The following ADGRL3 variants were observed in gnomAD, a reference collection of about 807,000 sequenced individuals.
ADGRL3 encodes the protein adhesion G protein-coupled receptor L3, also known as calcium-independent alpha-latrotoxin receptor 3.
In ADGRL3, 62 loss-of-function variants were observed where a neutral mutation model predicts 153.5. The ratio of observed to expected loss-of-function variants is 0.40; its 90% CI spans 0.33 to 0.50. The LOEUF is 0.50. ADGRL3 is among the 20% of genes least tolerant of loss of function. ADGRL3 has a pLI of 0.47. For missense variants in ADGRL3, 1,641 were observed against 1,859.4 expected (o/e 0.88, Z 2.16); for synonymous variants, 710 against 672.5 (o/e 1.06, Z -0.86).
intron 2 of ADGRL3, among the ~76,000 whole-genome samples, chr4:61,494,907 G>T (rs1369062090): frequency 1.3e-5 from 2 of 152,094 alleles, no homozygotes; most frequent in African/African-American, 2.4e-5. Context: ...CACATTGAAA[G>T]GATGAGTAGG....
intron 8 of ADGRL3, among the ~76,000 whole-genome samples, chr4:61,767,552 G>C (rs1266154996): frequency 6.6e-6 from 1 of 152,182 alleles, no homozygotes; most frequent in Non-Finnish European, 1.5e-5. Context: ...CAATCGGGCA[G>C]TGTCAGTCTT....
Position 61,565,940 on chromosome 4 carries a change from A to G in ADGRL3, c.260-21287A>G, listed in dbSNP as rs1477870011. On this transcript the variant is annotated intron_variant, in intron 4 of 26. Transcript: ENST00000683033. ...TCATAGATTACTAAACTGGAAATCT[A>G]TGAAATATACCAAGTTTTTCTTGGA... Among the ~76,000 whole-genome samples the G allele has an allele frequency of 3.9e-5, 6 of 152,230 alleles. No homozygotes were observed. In the East Asian group the frequency reaches 9.6e-4, roughly 24 times the overall value.
chr4:61,858,456 A>T (rs1241588274), intron 9 of ADGRL3, among the ~76,000 whole-genome samples: 1 of 152,098 alleles, frequency 6.6e-6, no homozygotes, highest in Non-Finnish European at 1.5e-5. Context: ...CCCCACCTCT[A>T]CTAAAAATAC....
intron 8 of ADGRL3, among the ~76,000 whole-genome samples, chr4:61,783,189 A>G (rs574143753): frequency 3.9e-5 from 6 of 152,226 alleles, no homozygotes; most frequent in African/African-American, 1.4e-4. Context: ...GCATTTCTTG[A>G]TATCAGTGGC....
chr4:61,318,413 T>G (rs2095281576), intron 1 of ADGRL3, among the ~76,000 whole-genome samples: 1 of 152,062 alleles, frequency 6.6e-6, no homozygotes. Flanking sequence ...TTCAGTACCC[T>G]CATCACAAAA....
chr4:61,862,406 C>T (rs34855831), intron 9 of ADGRL3, among the ~76,000 whole-genome samples: 76,208 of 151,968 alleles, frequency 0.5, 19,527 homozygotes, highest in African/African-American at 0.57. Context: ...ATGTTTCAGC[C>T]GGCATGGCCC....
At chr4:61,888,086 G>T (rs1215479703) in intron 9 of ADGRL3, among the ~76,000 whole-genome samples, 1 of 152,100 alleles carries the variant, frequency 6.6e-6, no homozygotes, top group Non-Finnish European at 1.5e-5. Context: ...TTTTCTTTGG[G>T]AAGCAAGATT....
chr4:61,526,035 G>C (rs576978631), intron 4 of ADGRL3, among the ~76,000 whole-genome samples: 1 of 152,088 alleles, frequency 6.6e-6, no homozygotes, highest in Non-Finnish European at 1.5e-5. Context: ...TGCTGGGGAC[G>C]CACTTACCTT....
intron 21 of ADGRL3, among the ~76,000 whole-genome samples, chr4:62,008,488 C>T (rs2099169499): frequency 6.6e-6 from 1 of 151,982 alleles, no homozygotes; most frequent in Non-Finnish European, 1.5e-5. Flanking sequence ...ACCTATTGAC[C>T]AGTAGATGTT....
intron 2 of ADGRL3, among the ~76,000 whole-genome samples, chr4:61,384,964 A>G (rs2096719439): frequency 6.6e-6 from 1 of 152,150 alleles, no homozygotes; most frequent in African/African-American, 2.4e-5. Context: ...GGAAATAAAA[A>G]TATTCTGAAA....
At chr4:61,201,937 G>C (rs1192397520) in intron 1 of ADGRL3, among the ~76,000 whole-genome samples, 172 bp downstream of exon 1, 5 of 152,154 alleles carry the variant, frequency 3.3e-5, no homozygotes, top group Non-Finnish European at 7.3e-5. Context: ...TGCGGGGCGG[G>C]AAGGGAACCT....
intron 13 of ADGRL3, among the ~76,000 whole-genome samples, chr4:61,929,379 T>G (rs921936687): frequency 6.6e-6 from 1 of 152,196 alleles, no homozygotes; most frequent in African/African-American, 2.4e-5. Flanking sequence ...AGGTATTTTG[T>G]TCTAGCAGCC....
chr4:61,961,423 G>A (rs2098987351), intron 17 of ADGRL3, among the ~76,000 whole-genome samples: 1 of 152,130 alleles, frequency 6.6e-6, no homozygotes, highest in African/African-American at 2.4e-5. Context: ...TACCATGATG[G>A]CTCCTGGAAC....
chr4:61,725,454 G>T (rs2096312992), intron 6 of ADGRL3, among the ~76,000 whole-genome samples: 1 of 151,996 alleles, frequency 6.6e-6, no homozygotes, highest in Non-Finnish European at 1.5e-5. Context: ...AATTAGCCAG[G>T]CGTGGTGGCA....
intron 8 of ADGRL3, among the ~76,000 whole-genome samples, chr4:61,791,914 G>C (rs912958987): frequency 6.6e-6 from 1 of 152,064 alleles, no homozygotes; most frequent in African/African-American, 2.4e-5. Flanking sequence ...GGTACCAAGA[G>C]GAGGGGAACC....
chr4:61,574,128 G>A (rs999862692), intron 4 of ADGRL3, among the ~76,000 whole-genome samples: 1 of 151,874 alleles, frequency 6.6e-6, no homozygotes, highest in Non-Finnish European at 1.5e-5. Flanking sequence ...ATGAAAGTCG[G>A]CTTCAACTCA....
chr4:61,905,924 A>T (rs1462893177), intron 11 of ADGRL3, among the ~76,000 whole-genome samples: 2 of 151,834 alleles, frequency 1.3e-5, no homozygotes, highest in Non-Finnish European at 2.9e-5. Flanking sequence ...AAGTAATTCT[A>T]GAAAATATTG....
At chr4:61,266,370 A>G (rs1426670992) in intron 1 of ADGRL3, among the ~76,000 whole-genome samples, 1 of 151,836 alleles carries the variant, frequency 6.6e-6, no homozygotes, top group African/African-American at 2.4e-5. Context: ...GTGCTCAAAC[A>G]TATTCATAAA....
intron 12 of ADGRL3, among the ~76,000 whole-genome samples, chr4:61,911,856 A>T (rs1004324601): frequency 6.6e-6 from 1 of 152,142 alleles, no homozygotes; most frequent in Non-Finnish European, 1.5e-5. Context: ...AAAATTGGAA[A>T]GAAGAGGAAA....
Sources: gnomAD v4.1 joint callset for allele counts (sites outside exome capture counted in the v4.1 genomes callset) on GRCh38, gnomAD v4.1.1 for gene constraint, MANE v1.5 for transcripts, NCBI Gene and HGNC (gene_info 2026-07-23, HGNC 2026-07-21) for gene names.